Variants in DLC1 observed in about 807,000 individuals in gnomAD.
The protein encoded by DLC1 is rho GTPase-activating protein 7.
DLC1 carries 54 observed loss-of-function variants against 140.3 expected under a neutral mutation model. The observed-to-expected ratio is 0.38, with a 90% CI of 0.31 to 0.48. DLC1 has a LOEUF of 0.48. Ranked by LOEUF, DLC1 falls within the 20% of genes least tolerant of loss-of-function variation. The pLI, the probability that DLC1 is intolerant of heterozygous loss-of-function variation, is 0.96. For missense variants in DLC1, 2,536 were observed against 1,907.0 expected, an observed-to-expected ratio of 1.33 and a Z score of -6.14; for synonymous variants, 986 against 728.1, an observed-to-expected ratio of 1.35 and a Z score of -5.70.
chr8:13,085,769 A>T lies in DLC1; in HGVS notation c.*42T>A. On this transcript the variant is annotated 3_prime_UTR_variant, in exon 18 of 18. Transcript: ENST00000276297. ...TCAAGGACTGGCAAAAGTTCTAGAAACAAACACCATGGTGGTGGAAGCGGT... is the reference window on the plus strand; with the variant it reads ...TCAAGGACTGGCAAAAGTTCTAGAATCAAACACCATGGTGGTGGAAGCGGT... 1 of 1,612,308 alleles carries T rather than the reference A, an allele frequency of 6.2e-7. No homozygotes were observed. The highest frequency in any genetic ancestry group is 8.5e-7 in the Non-Finnish European group (1 of 1,178,968).
chr8:13,125,173 C>T (rs945332095), intron 5 of DLC1, among the ~76,000 whole-genome samples: 16 of 152,116 alleles, frequency 1.1e-4, no homozygotes, highest in Non-Finnish European at 1.8e-4. Context: ...GACGGGGTTT[C>T]GCCATGTTGG....
intron 5 of DLC1, among the ~76,000 whole-genome samples, chr8:13,171,560 T>C (rs928163217): frequency 6.6e-6 from 1 of 152,002 alleles, no homozygotes; most frequent in Non-Finnish European, 1.5e-5. Context: ...CCCACTAATT[T>C]TTTATTTTCT....
chr8:13,304,834 C>A lies in DLC1; in HGVS notation c.1348+435G>T, dbSNP rs533122700. On this transcript the variant is annotated intron_variant, in intron 5 of 17. Coordinates refer to ENST00000276297, the MANE Select transcript of DLC1 (RefSeq NM_182643.3). ...TTTTTTTCTTCAATACAATTATTCA[C>A]ATTGCTTCATCACTATATTTTTGAT... 6.1e-5 allele frequency: 60 copies of A among 980,888 alleles called. No homozygotes were observed. In the African/African-American group the frequency reaches 9.8e-4, roughly 16 times the overall value. 60.8% of individuals were successfully genotyped at this position (980,888 alleles called of 1,614,324 possible).
chr8:13,131,888 C>T (rs1346891676), intron 5 of DLC1, among the ~76,000 whole-genome samples: 1 of 152,132 alleles, frequency 6.6e-6, no homozygotes, highest in Non-Finnish European at 1.5e-5. Context: ...AGGGGCTGTG[C>T]GCTGAAGGAC....
chr8:13,592,283 T>C (rs781403750), intron 1 of DLC1, among the ~76,000 whole-genome samples: 1 of 152,142 alleles, frequency 6.6e-6, no homozygotes, highest in Non-Finnish European at 1.5e-5. Context: ...GGATTTTTTA[T>C]TGAACTATAA....
intron 1 of DLC1, chr8:13,584,018 T>C (rs1805214334): frequency 6.6e-6 from 1 of 152,486 alleles, no homozygotes; most frequent in Admixed American, 6.5e-5. Context: ...TGGATTTCTG[T>C]CTGTATGTTC....
chr8:13,165,368 T>A (rs1825034294), intron 5 of DLC1, among the ~76,000 whole-genome samples: 1 of 152,108 alleles, frequency 6.6e-6, no homozygotes, highest in African/African-American at 2.4e-5. Context: ...TTTGAAGAGG[T>A]TTTCGCGTGA....
intron 5 of DLC1, among the ~76,000 whole-genome samples, chr8:13,173,635 G>A (rs1425208307): frequency 6.6e-6 from 1 of 152,164 alleles, no homozygotes; most frequent in Non-Finnish European, 1.5e-5. Flanking sequence ...CTTCCAAAGT[G>A]CTGAGATTAC....
intron 4 of DLC1, among the ~76,000 whole-genome samples, chr8:13,361,009 A>T (rs1026431917): frequency 6.6e-6 from 1 of 152,038 alleles, no homozygotes; most frequent in African/African-American, 2.4e-5. Context: ...GGCGGGCAGA[A>T]TGTTTGAGCT....
Position 13,564,086 on chromosome 8 carries a change from C to T in DLC1, c.-126+40451G>A, listed in dbSNP as rs185776704. On this transcript the variant is annotated intron_variant, in intron 1 of 1. Coordinates refer to the DLC1 transcript ENST00000631382. ...TATCATTTTCTTTTTTAAAAATCTG[C>T]AGTAAACCTATATTATTACTTTTGC... Among the ~76,000 whole-genome samples, 4 of 152,122 alleles carry T rather than the reference C, an allele frequency of 2.6e-5. No individual in the cohort carries two copies. In the East Asian group the frequency reaches 7.7e-4, roughly 29 times the overall value.
At chr8:13,274,359 G>T (rs142536144) in intron 5 of DLC1, among the ~76,000 whole-genome samples, 10 of 152,282 alleles carry the variant, frequency 6.6e-5, no homozygotes, top group Non-Finnish European at 5.9e-5. Context: ...TTCCTTTCAA[G>T]CATGGTATCT....
Position 13,499,184 on chromosome 8 carries a change from C to G in DLC1, c.888G>C (p.Lys296Asn), listed in dbSNP as rs1221882783. 1.2e-6 allele frequency: 2 copies of G among 1,614,182 alleles called. No individual in the cohort carries two copies. Among genetic ancestry groups the G allele is most frequent in the East Asian group, 2.2e-5 (1 of 44,874 alleles). ...NGMSAENGLEKSGFSQHQNKS... is the reference protein window; with the variant it reads ...NGMSAENGLENSGFSQHQNKS... ...TGTTTTGATGTTGTGAAAAACCACT[C>G]TTCTCCAGGCCATTTTCAGCTGACA... The change falls in exon 2 of 18, where the codon AAG becomes AAC. Residue 296 changes from lysine to asparagine, a missense_variant. Coordinates refer to ENST00000276297, the MANE Select transcript of DLC1 (RefSeq NM_182643.3).
At chr8:13,164,428 A>C (rs1379935306) in intron 5 of DLC1, among the ~76,000 whole-genome samples, 3 of 152,142 alleles carry the variant, frequency 2.0e-5, no homozygotes, top group Non-Finnish European at 4.4e-5. Flanking sequence ...TTCATGGTCC[A>C]ATGTAGAATG....
At chr8:13,125,237 A>G (rs1417973689) in intron 5 of DLC1, among the ~76,000 whole-genome samples, 1 of 152,138 alleles carries the variant, frequency 6.6e-6, no homozygotes, top group African/African-American at 2.4e-5. Flanking sequence ...TTGGCCTCCC[A>G]AAGTGCTGGG....
chr8:13,383,393 AG>A (rs1836362746), intron 4 of DLC1, among the ~76,000 whole-genome samples: 1 of 152,122 alleles, frequency 6.6e-6, no homozygotes, highest in African/African-American at 2.4e-5. Context: ...ACTATACCGG[AG>A]GGGCTGTGCT....
chr8:13,283,013 A>G lies in DLC1; in HGVS notation c.1348+22256T>C, dbSNP rs58436311. On this transcript the variant is annotated intron_variant, in intron 5 of 17. Transcript: ENST00000276297. Reference sequence around the variant, plus strand: ...TAACAATTATCAACCATCTCAAAAAACATACCTACACTAATAATAAAATGA... The same window carrying G: ...TAACAATTATCAACCATCTCAAAAAGCATACCTACACTAATAATAAAATGA... 3.7e-3 allele frequency among the ~76,000 whole-genome samples: 564 copies of G among 152,278 alleles called. 7 individuals are homozygous for G. Among genetic ancestry groups the G allele is most frequent in the African/African-American group, 0.012 (493 of 41,554 alleles).
chr8:13,213,968 G>T (rs1474487783), intron 5 of DLC1, among the ~76,000 whole-genome samples: 1 of 152,104 alleles, frequency 6.6e-6, no homozygotes. Flanking sequence ...ATGTTTAGTA[G>T]AGATGGGGTT....
At chr8:13,268,574 G>A (rs560393533) in intron 5 of DLC1, among the ~76,000 whole-genome samples, 4 of 152,060 alleles carry the variant, frequency 2.6e-5, no homozygotes, top group Non-Finnish European at 5.9e-5. Flanking sequence ...TTGTAATGAC[G>A]GAGTCTTGCT....
chr8:13,559,344 T>C (rs1022552252), intron 1 of DLC1: 4 of 152,234 alleles, frequency 2.6e-5, no homozygotes, highest in Admixed American at 2.6e-4. Flanking sequence ...AAAGAAACAG[T>C]CTTGCATTCT....
Sources: allele counts gnomAD v4.1 joint callset (sites outside exome capture counted in the v4.1 genomes callset), GRCh38; gene constraint gnomAD v4.1.1; transcripts MANE v1.5; gene names NCBI Gene and HGNC (gene_info 2026-07-23, HGNC 2026-07-21).